ZMAT4: variants seen among roughly 807,000 people sequenced by gnomAD.
The protein encoded by ZMAT4 is zinc finger matrin-type 4.
In ZMAT4, 17 loss-of-function variants were observed where a neutral mutation model predicts 28.7. The observed-to-expected ratio is 0.59, with a 90% CI of 0.41 to 0.89. The LOEUF is 0.89. ZMAT4 is among the 40% of genes least tolerant of loss of function. The pLI is 0.00. For synonymous variants in ZMAT4, 117 were observed against 109.2 expected, an observed-to-expected ratio of 1.07 and a Z score of -0.44; for missense variants, 240 against 283.8, an observed-to-expected ratio of 0.85 and a Z score of 1.11.
intron 6 of ZMAT4, among the ~76,000 whole-genome samples, chr8:40,541,455 A>G (rs1803025532): frequency 6.6e-6 from 1 of 152,258 alleles, no homozygotes; most frequent in African/African-American, 2.4e-5. Context: ...TTAGGTACCC[A>G]GTAGCCATGT....
rs1011999080 is a variant in ZMAT4 at position 40,760,656 on chromosome 8, C to T, written c.192+6985G>A. ...TGGCAAAGCTGACTTTTTTCATGGTCGAGGCAACATTCTGACCGCAAAGAT... is the reference window on the plus strand; with the variant it reads ...TGGCAAAGCTGACTTTTTTCATGGTTGAGGCAACATTCTGACCGCAAAGAT... On this transcript the variant is annotated intron_variant, in intron 3 of 6. Coordinates refer to ENST00000297737, the MANE Select transcript of ZMAT4 (RefSeq NM_024645.3). Among the ~76,000 whole-genome samples the T allele has an allele frequency of 7.2e-5, 11 of 151,866 alleles. No homozygotes were observed. In the South Asian group the frequency reaches 2.1e-3, roughly 29 times the overall value.
chr8:40,698,477 G>A (rs558810803), intron 3 of ZMAT4, among the ~76,000 whole-genome samples: 29 of 152,204 alleles, frequency 1.9e-4, no homozygotes, highest in South Asian at 1.0e-3. Flanking sequence ...AGCAATAGCC[G>A]AACATCTCTT....
intron 1 of ZMAT4, among the ~76,000 whole-genome samples, chr8:40,844,730 C>A (rs1586156229): frequency 6.7e-6 from 1 of 150,320 alleles, no homozygotes; most frequent in South Asian, 2.1e-4. Context: ...GGCTAATACA[C>A]CTTGCATTAG....
In ZMAT4 at chr8:40,857,747, A is replaced by G. The variant is rs1018742565; in HGVS notation, c.-4-32067T>C. On this transcript the variant is annotated intron_variant, in intron 1 of 6. Transcript: ENST00000297737. ...AAGAATATACATTGAAACTTTGCAA[A>G]AAAACTGGAAATATCCCATATGCAC... Among the ~76,000 whole-genome samples the G allele has an allele frequency of 4.6e-5, 7 of 152,248 alleles. No individual in the cohort carries two copies. In the East Asian group the frequency reaches 7.7e-4, roughly 17 times the overall value.
chr8:40,883,005 G>A (rs1818334016), intron 1 of ZMAT4, among the ~76,000 whole-genome samples: 2 of 152,232 alleles, frequency 1.3e-5, no homozygotes, highest in African/African-American at 4.8e-5. Context: ...CAGTGTGCTG[G>A]ACCCTTTGCA....
chr8:40,666,936 A>G (rs1808439388), intron 5 of ZMAT4, among the ~76,000 whole-genome samples: 1 of 152,096 alleles, frequency 6.6e-6, no homozygotes, highest in African/African-American at 2.4e-5. Context: ...TGTAGATACT[A>G]GTCTATTTTA....
intron 5 of ZMAT4, among the ~76,000 whole-genome samples, chr8:40,647,023 A>C (rs944814245): frequency 1.3e-5 from 2 of 152,234 alleles, no homozygotes; most frequent in Admixed American, 6.5e-5. Context: ...TAATGGAACA[A>C]AATTAGAAAT....
At chr8:40,556,824 ATTTG>A (rs898396301) in intron 6 of ZMAT4, among the ~76,000 whole-genome samples, 19 of 152,240 alleles carry the variant, frequency 1.2e-4, no homozygotes, top group African/African-American at 4.6e-4. Flanking sequence ...TATCATTTCT[ATTTG>A]TTAGGACTAC....
intron 6 of ZMAT4, among the ~76,000 whole-genome samples, chr8:40,535,101 A>C (rs1373683106): frequency 6.6e-6 from 1 of 152,284 alleles, no homozygotes; most frequent in South Asian, 2.1e-4. Context: ...CTGCCTTCCC[A>C]AAAGAGAAGT....
At chr8:40,588,212 GA>G (rs1193230827) in intron 5 of ZMAT4, among the ~76,000 whole-genome samples, 1 of 151,918 alleles carries the variant, frequency 6.6e-6, no homozygotes, top group Non-Finnish European at 1.5e-5. Context: ...ATATCTTCAT[GA>G]AATTAGAACA....
intron 1 of ZMAT4, among the ~76,000 whole-genome samples, chr8:40,830,037 C>T (rs534895725): frequency 1.8e-4 from 28 of 152,174 alleles, no homozygotes; most frequent in South Asian, 8.3e-4. Context: ...TTTCTTAAGG[C>T]GCAAGAAATG....
At chr8:40,628,319 T>C (rs891758790) in intron 5 of ZMAT4, among the ~76,000 whole-genome samples, 1 of 152,210 alleles carries the variant, frequency 6.6e-6, no homozygotes, top group East Asian at 1.9e-4. Flanking sequence ...ACTAAAAAGA[T>C]TGTTAACACT....
chr8:40,757,485 C>T (rs952146091), intron 3 of ZMAT4, among the ~76,000 whole-genome samples: 5 of 151,552 alleles, frequency 3.3e-5, no homozygotes, highest in African/African-American at 9.7e-5. Flanking sequence ...ACTTGGGAGG[C>T]TGAGGCAGGA....
intron 3 of ZMAT4, among the ~76,000 whole-genome samples, chr8:40,760,211 A>G (rs1812867553): frequency 2.6e-5 from 4 of 152,158 alleles, no homozygotes; most frequent in Admixed American, 2.6e-4. Flanking sequence ...TTGACTCTCC[A>G]ACACCCAGCT....
intron 6 of ZMAT4, among the ~76,000 whole-genome samples, chr8:40,575,459 A>G (rs1284104220): frequency 6.6e-6 from 1 of 152,036 alleles, no homozygotes; most frequent in Non-Finnish European, 1.5e-5. Context: ...CCAGACTGAG[A>G]ACCAGTTCAC....
chr8:40,624,719 GA>G (rs1196433753), intron 5 of ZMAT4, among the ~76,000 whole-genome samples: 7 of 152,098 alleles, frequency 4.6e-5, no homozygotes, highest in African/African-American at 1.7e-4. Context: ...CTCTTAACTG[GA>G]AAACTTCAAT....
intron 3 of ZMAT4, among the ~76,000 whole-genome samples, chr8:40,721,665 G>A (rs1189803970): frequency 4.0e-5 from 6 of 151,230 alleles, no homozygotes; most frequent in South Asian, 2.1e-4. Context: ...TTTAATGATC[G>A]CCATTCTAAC....
At chr8:40,650,252 C>G (rs936825174) in intron 5 of ZMAT4, among the ~76,000 whole-genome samples, 6 of 151,802 alleles carry the variant, frequency 4.0e-5, no homozygotes, top group Middle Eastern at 3.2e-3. Flanking sequence ...ATATCACCAC[C>G]GATCCCACAG....
chr8:40,886,974 A>C (rs923678259), intron 1 of ZMAT4, among the ~76,000 whole-genome samples: 4 of 152,058 alleles, frequency 2.6e-5, no homozygotes, highest in Non-Finnish European at 5.9e-5. Context: ...GATCGAGACC[A>C]ACCTGGCTAA....
Sources: allele counts gnomAD v4.1 joint callset (sites outside exome capture counted in the v4.1 genomes callset), GRCh38; gene constraint gnomAD v4.1.1; transcripts MANE v1.5; gene names NCBI Gene and HGNC (gene_info 2026-07-23, HGNC 2026-07-21).